The following EXOC4 variants were observed in gnomAD, a reference collection of about 807,000 sequenced individuals.
The protein encoded by EXOC4 is exocyst complex component 4, also known as SEC8-like 1.
Under a neutral mutation model 107.2 loss-of-function variants are expected in EXOC4, and 71 were observed. The observed-to-expected ratio is 0.66, with a 90% CI of 0.55 to 0.81. The LOEUF is 0.81. Ranked by LOEUF, EXOC4 falls within the 30% of genes least tolerant of loss-of-function variation. EXOC4 has a pLI of 0.00. For missense variants in EXOC4, 1,108 were observed against 1,189.6 expected (o/e 0.93, Z 1.01); for synonymous variants, 456 against 441.2 (o/e 1.03, Z -0.42).
At chr7:133,604,710 C>CTTTTTTTTTTTTTTTTTTTTTTTTTTTT (rs61548710) in intron 9 of EXOC4, among the ~76,000 whole-genome samples, 3 of 50,268 alleles carry the variant, frequency 6.0e-5, no homozygotes, top group Non-Finnish European at 1.0e-4. Flanking sequence ...TTCCTTCTTT[C>CTTTTTTTTTTTTTTTTTTTTTTTTTTTT]TTTTTTTTTT....
At chr7:133,782,914 A>G (rs540315848) in intron 10 of EXOC4, among the ~76,000 whole-genome samples, 2 of 152,296 alleles carry the variant, frequency 1.3e-5, no homozygotes, top group Admixed American at 6.5e-5. Context: ...CGCCCAGGCC[A>G]TTGGAAAGCA....
At chr7:133,850,963 C>T (rs898876350) in intron 11 of EXOC4, among the ~76,000 whole-genome samples, 50 of 152,318 alleles carry the variant, frequency 3.3e-4, no homozygotes, top group African/African-American at 1.2e-3. Context: ...TTATTCAATT[C>T]TTCCTCATAT....
chr7:133,822,945 T>A (rs528294523), intron 11 of EXOC4, among the ~76,000 whole-genome samples: 1 of 152,364 alleles, frequency 6.6e-6, no homozygotes, highest in South Asian at 2.1e-4. Context: ...AAAAACAATA[T>A]TTGCTGCAGC....
At chr7:133,661,679 AAAAAAAAAAC>A (rs1388607611) in intron 10 of EXOC4, among the ~76,000 whole-genome samples, 4 of 117,340 alleles carry the variant, frequency 3.4e-5, no homozygotes, top group Non-Finnish European at 5.4e-5. Context: ...AACTAAAAAA[AAAAAAAAAAC>A]AAAAAAAAAA....
At chr7:133,788,599 TCTC>T (rs774443934) in intron 10 of EXOC4, among the ~76,000 whole-genome samples, 1 of 152,024 alleles carries the variant, frequency 6.6e-6, no homozygotes, top group Non-Finnish European at 1.5e-5. Context: ...TTCAAGCAAT[TCTC>T]CTGCCTCAGC....
At chr7:133,971,081 GA>G (rs1428788090) in intron 14 of EXOC4, among the ~76,000 whole-genome samples, 1 of 151,942 alleles carries the variant, frequency 6.6e-6, no homozygotes, top group Admixed American at 6.6e-5. Flanking sequence ...AAACTCCAGA[GA>G]AATGAAATAC....
intron 10 of EXOC4, among the ~76,000 whole-genome samples, chr7:133,763,251 C>T (rs1287373451): frequency 6.6e-6 from 1 of 152,068 alleles, no homozygotes; most frequent in Non-Finnish European, 1.5e-5. Flanking sequence ...TACCAATGGT[C>T]GTTGGATTTC....
intron 14 of EXOC4, among the ~76,000 whole-genome samples, chr7:133,981,167 C>A (rs78472717): frequency 0.011 from 1,614 of 152,322 alleles, 16 homozygotes; most frequent in Non-Finnish European, 0.018. Context: ...AATTACACAG[C>A]TACTCATGGT....
At chr7:133,726,295 T>C (rs993170632) in intron 10 of EXOC4, among the ~76,000 whole-genome samples, 1 of 151,948 alleles carries the variant, frequency 6.6e-6, no homozygotes, top group Non-Finnish European at 1.5e-5. Context: ...AACCAGAAAG[T>C]GATGTTTTAG....
At chr7:133,890,445 A>G (rs1799181487) in intron 11 of EXOC4, among the ~76,000 whole-genome samples, 1 of 116,272 alleles carries the variant, frequency 8.6e-6, no homozygotes, top group Non-Finnish European at 1.7e-5. Flanking sequence ...CCATTTGTCA[A>G]TTTTGGCTTT....
chr7:133,562,111 G>A (rs901775115), intron 9 of EXOC4, among the ~76,000 whole-genome samples: 2 of 152,212 alleles, frequency 1.3e-5, no homozygotes, highest in Non-Finnish European at 2.9e-5. Context: ...ACATCATTTT[G>A]CTTAAAGTTG....
At chr7:133,630,733 A>G (rs1802571455) in intron 10 of EXOC4, among the ~76,000 whole-genome samples, 1 of 152,234 alleles carries the variant, frequency 6.6e-6, no homozygotes, top group Non-Finnish European at 1.5e-5. Context: ...ATTTATAAAA[A>G]ATGAAAGACA....
intron 10 of EXOC4, among the ~76,000 whole-genome samples, chr7:133,809,875 A>G (rs1018215839): frequency 3.3e-5 from 5 of 152,212 alleles, no homozygotes; most frequent in African/African-American, 4.8e-5. Context: ...TTGTGCTCTA[A>G]AACCAGAATC....
intron 10 of EXOC4, among the ~76,000 whole-genome samples, chr7:133,658,784 C>T (rs114933588): frequency 6.6e-6 from 1 of 152,100 alleles, no homozygotes; most frequent in East Asian, 1.9e-4. Flanking sequence ...AATACTGTTG[C>T]AATAAGGAGT....
In EXOC4 at chr7:133,357,142, T is replaced by G. The variant is rs138170946; in HGVS notation, c.1007+569T>G. On this transcript the variant is annotated intron_variant, in intron 6 of 17. Transcript: ENST00000253861. Reference sequence around the variant, plus strand: ...ATTTATAGTAGAGATTGTCGATATTTAAACATTTAAAGAATAAATTGAATC... The same window carrying G: ...ATTTATAGTAGAGATTGTCGATATTGAAACATTTAAAGAATAAATTGAATC... Among the ~76,000 whole-genome samples the G allele has an allele frequency of 3.0e-3, 454 of 152,332 alleles. 2 individuals are homozygous for G. The highest frequency in any genetic ancestry group is 0.01 in the African/African-American group (422 of 41,570).
intron 10 of EXOC4, among the ~76,000 whole-genome samples, chr7:133,685,001 CA>C (rs1238391393): frequency 6.6e-6 from 1 of 152,146 alleles, no homozygotes; most frequent in African/African-American, 2.4e-5. Flanking sequence ...TTTGTCTTGG[CA>C]AAAGCAAGCA....
chr7:133,641,737 A>G (rs996621525), intron 10 of EXOC4, among the ~76,000 whole-genome samples: 3 of 152,246 alleles, frequency 2.0e-5, no homozygotes, highest in Non-Finnish European at 4.4e-5. Flanking sequence ...TGTGAAAAAT[A>G]GTAGAACATC....
chr7:133,986,525 C>T (rs544996882), intron 14 of EXOC4, among the ~76,000 whole-genome samples: 3 of 152,134 alleles, frequency 2.0e-5, no homozygotes, highest in Non-Finnish European at 2.9e-5. Flanking sequence ...TTTAGTTTGG[C>T]GTAATGACTT....
intron 11 of EXOC4, among the ~76,000 whole-genome samples, chr7:133,832,807 G>T (rs955223478): frequency 1.3e-5 from 2 of 152,206 alleles, no homozygotes; most frequent in Non-Finnish European, 2.9e-5. Context: ...AAATCAGTTG[G>T]TTTTTTTATG....
Sources: gnomAD v4.1 joint callset for allele counts (sites outside exome capture counted in the v4.1 genomes callset) on GRCh38, gnomAD v4.1.1 for gene constraint, MANE v1.5 for transcripts, NCBI Gene and HGNC (gene_info 2026-07-23, HGNC 2026-07-21) for gene names.